The following TMEM178B variants were observed in gnomAD, a reference collection of about 807,000 sequenced individuals.
The protein encoded by TMEM178B is transmembrane protein 178B.
Under a neutral mutation model 31.0 loss-of-function variants are expected in TMEM178B, and 5 were observed. That is an observed-to-expected ratio of 0.16 (90% CI 0.08 to 0.34). The LOEUF is 0.34. Ranked by LOEUF, TMEM178B falls within the 10% of genes least tolerant of loss-of-function variation. The pLI is 1.00. For missense variants in TMEM178B, 275 were observed against 400.3 expected (o/e 0.69, Z 2.67); for synonymous variants, 164 against 164.0 (o/e 1.00, Z 0.00).
At chr7:141,220,520 G>C (rs73737718) in intron 2 of TMEM178B, among the ~76,000 whole-genome samples, 8 of 152,006 alleles carry the variant, frequency 5.3e-5, no homozygotes, top group South Asian at 4.2e-4. Flanking sequence ...GATGACCTAG[G>C]GGGAGGGAAG....
chr7:141,494,277 A>AT, the TMEM178B span, among the ~76,000 whole-genome samples: 1 of 152,318 alleles, frequency 6.6e-6, no homozygotes, highest in South Asian at 2.1e-4. Flanking sequence ...CGGTGGACAC[A>AT]ATGACTTTAT....
At chr7:141,208,366 G>T (rs1189433679) in intron 1 of TMEM178B, among the ~76,000 whole-genome samples, 1 of 152,150 alleles carries the variant, frequency 6.6e-6, no homozygotes, top group Non-Finnish European at 1.5e-5. Flanking sequence ...CTTCCTTCCA[G>T]GTAGCCCCTC....
At chr7:141,302,964 G>C (rs1798753688) in intron 2 of TMEM178B, among the ~76,000 whole-genome samples, 1 of 152,204 alleles carries the variant, frequency 6.6e-6, no homozygotes, top group Non-Finnish European at 1.5e-5. Flanking sequence ...AAATGCTATT[G>C]CTGCTGGTTT....
Position 141,318,638 on chromosome 7 carries a change from C to G in TMEM178B, c.496+105934C>G, listed in dbSNP as rs951109804. On this transcript the variant is annotated intron_variant, in intron 2 of 3. Coordinates refer to ENST00000565468, the MANE Select transcript of TMEM178B (RefSeq NM_001195278.2). This position sits in a 1 kb window ranked among gnomAD's most constrained non-coding sequence, Gnocchi z 4.1. The stretch of plus-strand genomic sequence containing the variant: ...GTTTGATAGCTAAACCTATGCCACC[C>G]CTTCAGAAGCCTGTACCAAGACACT... Among the ~76,000 whole-genome samples, 14 of 152,174 alleles carry G rather than the reference C, an allele frequency of 9.2e-5. No homozygotes were observed. Among genetic ancestry groups the G allele is most frequent in the Admixed American group, 9.2e-4 (14 of 15,270 alleles).
At chr7:141,262,470 A>G (rs1244083786) in intron 2 of TMEM178B, among the ~76,000 whole-genome samples, 1 of 72,538 alleles carries the variant, frequency 1.4e-5, no homozygotes, top group African/African-American at 5.0e-5. Flanking sequence ...TGATAAATAC[A>G]TATAATATAT....
chr7:141,082,991 T>C (rs1794711320), intron 1 of TMEM178B, among the ~76,000 whole-genome samples: 1 of 152,242 alleles, frequency 6.6e-6, no homozygotes, highest in African/African-American at 2.4e-5. Context: ...CACTTTGGAT[T>C]GTCAGTTGAA....
intron 2 of TMEM178B, among the ~76,000 whole-genome samples, chr7:141,364,926 G>A (rs1669416513): frequency 6.6e-6 from 1 of 152,182 alleles, no homozygotes; most frequent in Admixed American, 6.5e-5. Flanking sequence ...CACATCTTCT[G>A]GTTTTTCAAT....
rs886410716 is a variant in TMEM178B at position 141,410,129 on chromosome 7, T to C, written c.497-27479T>C. Among the ~76,000 whole-genome samples the C allele has an allele frequency of 2.0e-5, 3 of 152,180 alleles. No individual in the cohort carries two copies. The South Asian group carries it at 6.2e-4, about 31-fold the overall frequency. ...CCTGTTTCCTGGAAAATTTCCCGAT[T>C]TCTCCCCAGTGTAAAAAGGGGCATG... On this transcript the variant is annotated intron_variant, in intron 2 of 3. Coordinates refer to ENST00000565468, the MANE Select transcript of TMEM178B (RefSeq NM_001195278.2).
At chr7:141,290,492 C>T (rs2116420088) in intron 2 of TMEM178B, among the ~76,000 whole-genome samples, 1 of 151,992 alleles carries the variant, frequency 6.6e-6, no homozygotes, top group Non-Finnish European at 1.5e-5. Context: ...CCAACCACTG[C>T]CCAGGTGTGA....
intron 2 of TMEM178B, among the ~76,000 whole-genome samples, chr7:141,269,096 C>CTTTTTTTTTTTTTTTTTTTCT (rs34014878): frequency 7.1e-6 from 1 of 140,364 alleles, no homozygotes; most frequent in Non-Finnish European, 1.5e-5. Flanking sequence ...AATTTTTTTT[C>CTTTTTTTTTTTTTTTTTTTCT]TTTTTTTTTT....
chr7:141,157,575 C>T lies in TMEM178B; in HGVS notation c.383-55016C>T, dbSNP rs1219294095. On this transcript the variant is annotated intron_variant, in intron 1 of 3. Transcript: ENST00000565468. Reference sequence around the variant, plus strand: ...AGGTCTGGGTCCAAGAGAGTAACAGCTGCTTCCTCATCTCTCTCAGCAGCC... The same window carrying T: ...AGGTCTGGGTCCAAGAGAGTAACAGTTGCTTCCTCATCTCTCTCAGCAGCC... Among the ~76,000 whole-genome samples the T allele has an allele frequency of 2.6e-5, 4 of 152,152 alleles. No homozygotes were observed. In the East Asian group the frequency reaches 5.8e-4, roughly 22 times the overall value.
At chr7:141,464,572 T>C (rs1802118264) in intron 3 of TMEM178B, among the ~76,000 whole-genome samples, 1 of 152,328 alleles carries the variant, frequency 6.6e-6, no homozygotes, top group East Asian at 1.9e-4. Flanking sequence ...AAAGATTAAT[T>C]CTTATTTTAG....
At chr7:141,470,447 A>G in intron 3 of TMEM178B, 89 bp from the exon 4 acceptor site, 1 of 1,308,104 alleles carries the variant, frequency 7.6e-7, no homozygotes. Context: ...TGAAAATGTA[A>G]TAATATTAAC....
At chr7:141,230,148 TATA>T (rs1797417696) in intron 2 of TMEM178B, among the ~76,000 whole-genome samples, 1 of 152,210 alleles carries the variant, frequency 6.6e-6, no homozygotes, top group South Asian at 2.1e-4. Context: ...TTTGGGCCAT[TATA>T]ATAATGTTAT....
intron 2 of TMEM178B, among the ~76,000 whole-genome samples, chr7:141,411,659 A>G (rs1800992941): frequency 1.3e-5 from 2 of 152,256 alleles, no homozygotes; most frequent in African/African-American, 2.4e-5. Context: ...ATTTAAAAGT[A>G]TAACTCAACT....
intron 1 of TMEM178B, among the ~76,000 whole-genome samples, chr7:141,096,006 A>G (rs1794954475): frequency 1.3e-5 from 2 of 152,206 alleles, no homozygotes; most frequent in Admixed American, 1.3e-4. Flanking sequence ...TAGGCAACCA[A>G]CCATATCCTA....
intron 2 of TMEM178B, among the ~76,000 whole-genome samples, chr7:141,280,738 T>A (rs1312286359): frequency 2.0e-5 from 3 of 152,098 alleles, no homozygotes; most frequent in African/African-American, 7.2e-5. Context: ...ATGACACTTT[T>A]TTCCTCCTAG....
In TMEM178B at chr7:141,326,478, G is replaced by T. The variant is rs186762673; in HGVS notation, c.497-111130G>T. On this transcript the variant is annotated intron_variant, in intron 2 of 3. Coordinates refer to ENST00000565468, the MANE Select transcript of TMEM178B (RefSeq NM_001195278.2). ...GACATGTTATTTAGTCTAAAGCTAT[G>T]ATTGCTTGTAGTGCCTATGGGTAGA... is the stretch of plus-strand genomic sequence containing the variant. Among the ~76,000 whole-genome samples the T allele has an allele frequency of 1.8e-4, 28 of 152,262 alleles. No individual in the cohort carries two copies. The East Asian group carries it at 5.2e-3, about 28-fold the overall frequency.
intron 2 of TMEM178B, among the ~76,000 whole-genome samples, chr7:141,214,441 A>G (rs1415803142): frequency 2.6e-5 from 4 of 152,250 alleles, no homozygotes; most frequent in Admixed American, 2.6e-4. Flanking sequence ...AGACATTCAT[A>G]ATACAAGTAA....
Sources: gnomAD v4.1 joint callset for allele counts (sites outside exome capture counted in the v4.1 genomes callset) on GRCh38, gnomAD v4.1.1 for gene constraint, Gnocchi (gnomAD v3.1) non-coding constraint, MANE v1.5 for transcripts, NCBI Gene and HGNC (gene_info 2026-07-23, HGNC 2026-07-21) for gene names.